MYO3B: variants seen among roughly 807,000 people sequenced by gnomAD.
MYO3B encodes myosin-IIIb.
A neutral mutation model predicts 174.6 loss-of-function variants in MYO3B; 156 were observed. The ratio of observed to expected loss-of-function variants is 0.89; its 90% CI spans 0.78 to 1.02. MYO3B has a LOEUF of 1.02. MYO3B is among the 50% of genes least tolerant of loss of function. The pLI is 0.00. For synonymous variants in MYO3B, 563 were observed against 569.1 expected, an observed-to-expected ratio of 0.99 and a Z score of 0.15; for missense variants, 1,632 against 1,639.4, an observed-to-expected ratio of 1.00 and a Z score of 0.08.
Position 170,405,533 on chromosome 2 carries a change from A to G in MYO3B, c.2432-12A>G, listed in dbSNP as rs1364969960. 7.4e-6 allele frequency: 12 copies of G among 1,613,650 alleles called. No homozygotes were observed. Among genetic ancestry groups the G allele is most frequent in the Non-Finnish European group, 1.0e-5 (12 of 1,179,594 alleles). ...TTCACATTGTAACTCTCCAACATAAAAATCCACACAGATAAATTTGAAGAT... is the reference window on the plus strand; with the variant it reads ...TTCACATTGTAACTCTCCAACATAAGAATCCACACAGATAAATTTGAAGAT... On this transcript the variant is annotated splice_polypyrimidine_tract_variant and intron_variant, in intron 20 of 34. Coordinates refer to ENST00000408978, the MANE Select transcript of MYO3B (RefSeq NM_138995.5).
intron 22 of MYO3B, among the ~76,000 whole-genome samples, chr2:170,424,796 G>A (rs2094647861): frequency 6.6e-6 from 1 of 152,212 alleles, no homozygotes; most frequent in African/African-American, 2.4e-5. Flanking sequence ...GTTCAATTTA[G>A]AGCCATTTGG....
intron 30 of MYO3B, among the ~76,000 whole-genome samples, chr2:170,523,868 G>T (rs1688833021): frequency 1.3e-5 from 2 of 152,162 alleles, no homozygotes; most frequent in South Asian, 4.1e-4. Flanking sequence ...TCTTGCATAT[G>T]ATTGGCCAGA....
At chr2:170,523,584 G>A (rs1209025852) in intron 30 of MYO3B, among the ~76,000 whole-genome samples, 1 of 152,156 alleles carries the variant, frequency 6.6e-6, no homozygotes. Flanking sequence ...CGAGACAAAA[G>A]GTCCAAAGAC....
intron 25 of MYO3B, among the ~76,000 whole-genome samples, chr2:170,493,291 C>G (rs1686608478): frequency 6.6e-6 from 1 of 152,162 alleles, no homozygotes; most frequent in Non-Finnish European, 1.5e-5. Flanking sequence ...GTTTATCAGT[C>G]TTTTCCTTTC....
chr2:170,386,126 T>C, intron 12 of MYO3B, 63 bp from the exon 13 acceptor site: 2 of 1,352,250 alleles, frequency 1.5e-6, no homozygotes, highest in South Asian at 1.2e-5. Context: ...GGATGTTATA[T>C]GAAGCATGCA....
intron 25 of MYO3B, 140 bp downstream of exon 25, chr2:170,466,851 A>T: frequency 5.8e-6 from 5 of 858,022 alleles, no homozygotes; most frequent in Non-Finnish European, 7.1e-6. Context: ...TACTTGCTTG[A>T]ATGTTGCATT....
chr2:170,233,625 A>G (rs2093036725), intron 6 of MYO3B, among the ~76,000 whole-genome samples: 1 of 152,220 alleles, frequency 6.6e-6, no homozygotes, highest in South Asian at 2.1e-4. Context: ...TGTTAAAAGT[A>G]TGACAGGATA....
At chr2:170,490,650 T>C (rs908435620) in intron 25 of MYO3B, among the ~76,000 whole-genome samples, 2 of 151,980 alleles carry the variant, frequency 1.3e-5, no homozygotes, top group African/African-American at 4.8e-5. Flanking sequence ...CTTTTCACCA[T>C]TAAATATGGT....
intron 1 of MYO3B, among the ~76,000 whole-genome samples, chr2:170,195,215 C>G (rs11888002): frequency 0.039 from 5,868 of 151,746 alleles, 386 homozygotes; most frequent in African/African-American, 0.13. Flanking sequence ...GCATGGAAAC[C>G]CATGGCTCCA....
chr2:170,497,584 C>G (rs1463033330), intron 25 of MYO3B, among the ~76,000 whole-genome samples: 1 of 151,150 alleles, frequency 6.6e-6, no homozygotes, highest in Non-Finnish European at 1.5e-5. Context: ...CGCCACTGCA[C>G]TCCAGCCTGG....
chr2:170,331,236 T>C (rs1574799829), intron 7 of MYO3B, among the ~76,000 whole-genome samples: 2 of 152,322 alleles, frequency 1.3e-5, no homozygotes, highest in East Asian at 3.9e-4. Context: ...TTTGTATATA[T>C]CATGCAAAGG....
intron 32 of MYO3B, among the ~76,000 whole-genome samples, chr2:170,557,701 C>T (rs1408186373): frequency 6.6e-6 from 1 of 152,080 alleles, no homozygotes; most frequent in Non-Finnish European, 1.5e-5. Flanking sequence ...GAAAACAAGT[C>T]TGCTTTGACT....
intron 32 of MYO3B, among the ~76,000 whole-genome samples, chr2:170,623,440 T>C (rs1379805589): frequency 6.6e-6 from 1 of 152,226 alleles, no homozygotes; most frequent in Admixed American, 6.5e-5. Context: ...TTCTTGTAAA[T>C]TTGTTTGAGT....
At chr2:170,215,777 C>T (rs569010669) in intron 5 of MYO3B, among the ~76,000 whole-genome samples, 2 of 152,200 alleles carry the variant, frequency 1.3e-5, no homozygotes, top group Non-Finnish European at 2.9e-5. Flanking sequence ...GATATAACTC[C>T]AATAATATGC....
chr2:170,571,224 A>G (rs1359709695), intron 32 of MYO3B, among the ~76,000 whole-genome samples: 2 of 152,196 alleles, frequency 1.3e-5, no homozygotes, highest in Non-Finnish European at 2.9e-5. Flanking sequence ...TGCCACAGAA[A>G]TAGAAATATG....
At position 170,464,993 on chromosome 2, in the gene MYO3B, C is replaced by A. The variant is rs182787539; in HGVS notation, c.2809-1513C>A. 2.0e-5 allele frequency among the ~76,000 whole-genome samples: 3 copies of A among 151,536 alleles called. No individual in the cohort carries two copies. The East Asian group carries it at 5.9e-4, about 30-fold the overall frequency. On this transcript the variant is annotated intron_variant, in intron 24 of 34. Coordinates refer to ENST00000408978, the MANE Select transcript of MYO3B (RefSeq NM_138995.5). ...GCGATTCTCCTGCGTCAGCCTCCCACGTAGCTGGGACTACAGGTACGTGCC... is the reference window on the plus strand; with the variant it reads ...GCGATTCTCCTGCGTCAGCCTCCCAAGTAGCTGGGACTACAGGTACGTGCC...
At chr2:170,276,367 T>G (rs538331067) in intron 7 of MYO3B, among the ~76,000 whole-genome samples, 1 of 152,338 alleles carries the variant, frequency 6.6e-6, no homozygotes, top group Non-Finnish European at 1.5e-5. Context: ...CTCATGATGC[T>G]CTAAATAATT....
At chr2:170,214,628 T>C in intron 4 of MYO3B, 101 bp from the exon 5 acceptor site, 2 of 1,332,014 alleles carry the variant, frequency 1.5e-6, no homozygotes, top group South Asian at 2.4e-5. Flanking sequence ...AAATGTAGAC[T>C]TTCATGAGAC....
chr2:170,524,940 A>C (rs1688910237), intron 30 of MYO3B, among the ~76,000 whole-genome samples: 1 of 152,228 alleles, frequency 6.6e-6, no homozygotes, highest in Non-Finnish European at 1.5e-5. Flanking sequence ...TTCTGACCAC[A>C]GCACTCATTT....
Sources: allele counts gnomAD v4.1 joint callset (sites outside exome capture counted in the v4.1 genomes callset), GRCh38; gene constraint gnomAD v4.1.1; transcripts MANE v1.5; gene names NCBI Gene and HGNC (gene_info 2026-07-23, HGNC 2026-07-21).